Variants in NCKAP1L observed in about 807,000 individuals in gnomAD.
The protein encoded by NCKAP1L is nck-associated protein 1-like.
In NCKAP1L, 53 loss-of-function variants were observed where a neutral mutation model predicts 139.2. The observed-to-expected ratio is 0.38, with a 90% CI of 0.31 to 0.48. The LOEUF is 0.48. NCKAP1L is among the 20% of genes least tolerant of loss of function. The probability of loss-of-function intolerance (pLI) is 0.98; values close to 1 mark genes in which losing one functional copy is unlikely to be tolerated. For synonymous variants in NCKAP1L, 468 were observed against 499.7 expected, an observed-to-expected ratio of 0.94 and a Z score of 0.85; for missense variants, 1,151 against 1,381.9, an observed-to-expected ratio of 0.83 and a Z score of 2.65.
rs549149590 is a variant in NCKAP1L, at chr12:54,511,829, A to C, written c.762A>C (p.Glu254Asp). ...TGGCCTGTGAGTATCTGTCTGTGGAAGTAATGGAGCGCTGGATTATCAGTA... is the reference window on the plus strand; with the variant it reads ...TGGCCTGTGAGTATCTGTCTGTGGACGTAATGGAGCGCTGGATTATCAGTA... ...DTMACEYLSV[E>D]VMERWIIIGF... The change falls in exon 8 of 31, where the codon GAA becomes GAC. Residue 254 changes from glutamate to aspartate, a missense_variant. By Grantham distance (45) the Glu-to-Asp change is conservative. Coordinates refer to ENST00000293373, the MANE Select transcript of NCKAP1L (RefSeq NM_005337.5). 6.2e-7 allele frequency: 1 copy of C among 1,614,230 alleles called. No individual in the cohort carries two copies. Among genetic ancestry groups the C allele is most frequent in the South Asian group, 1.1e-5 (1 of 91,086 alleles).
At chr12:54,503,254 A>T (rs1956815091) in intron 3 of NCKAP1L, among the ~76,000 whole-genome samples, 1 of 152,112 alleles carries the variant, frequency 6.6e-6, no homozygotes, top group Non-Finnish European at 1.5e-5. Flanking sequence ...TACTACATGG[A>T]TGATATTTTA....
At chr12:54,539,896 G>C (rs1257470821) in intron 30 of NCKAP1L, among the ~76,000 whole-genome samples, 2 of 152,178 alleles carry the variant, frequency 1.3e-5, no homozygotes, top group African/African-American at 4.8e-5. Flanking sequence ...CGTCCTACTG[G>C]TGGATATACC....
chr12:54,499,231 C>T (rs1451538003), intron 1 of NCKAP1L, 124 bp from the exon 2 acceptor site: 4 of 627,458 alleles, frequency 6.4e-6, no homozygotes, highest in Middle Eastern at 2.8e-4. Flanking sequence ...GCCTCTCATG[C>T]TTTTTAAATT....
At chr12:54,539,924 G>C (rs891733299) in intron 30 of NCKAP1L, among the ~76,000 whole-genome samples, 1 of 152,296 alleles carries the variant, frequency 6.6e-6, no homozygotes, top group Admixed American at 6.5e-5. Context: ...CCCAAGGGAC[G>C]TGTGGCTGGA....
chr12:54,544,588 A>G lies in NCKAP1L; in HGVS notation c.*1903A>G, dbSNP rs1957185000. The G allele has an allele frequency of 6.6e-6, 1 of 152,218 alleles. No individual in the cohort carries two copies. Among genetic ancestry groups the G allele is most frequent in the South Asian group, 2.1e-4 (1 of 4,828 alleles). The allele number at this position is 152,218 out of a possible 1,614,324, so 9.4% of individuals were successfully genotyped here. ...TTGATATAATCTACTGATCTTGTTCAGATTTCCTTCCCCAGTTTTGCTTAT... is the reference window on the plus strand; with the variant it reads ...TTGATATAATCTACTGATCTTGTTCGGATTTCCTTCCCCAGTTTTGCTTAT... On this transcript the variant is annotated 3_prime_UTR_variant, in exon 31 of 31. Coordinates refer to ENST00000293373, the MANE Select transcript of NCKAP1L (RefSeq NM_005337.5).
chr12:54,511,687 G>C, intron 7 of NCKAP1L, 116 bp from the exon 8 acceptor site: 1 of 1,125,002 alleles, frequency 8.9e-7, no homozygotes, highest in Admixed American at 2.2e-5. Context: ...GATTAAAGGC[G>C]TTAGCCACCA....
In NCKAP1L at chr12:54,523,377, T is replaced by C. The variant is rs375722064; in HGVS notation, c.1879-17T>C. 51 of 1,603,862 alleles carry C rather than the reference T, an allele frequency of 3.2e-5. No individual in the cohort carries two copies. Among genetic ancestry groups the C allele is most frequent in the African/African-American group, 5.4e-5 (4 of 74,052 alleles). On this transcript the variant is annotated splice_polypyrimidine_tract_variant and intron_variant, in intron 18 of 30. Transcript: ENST00000293373. ...AACAAATCCCCTTTCTCCATTTACC[T>C]GTGTTTGTTTCTGAAGCTTCTACCT...
intron 25 of NCKAP1L, 152 bp from the exon 26 acceptor site, chr12:54,532,018 A>C: frequency 1.3e-6 from 1 of 750,198 alleles, no homozygotes; most frequent in South Asian, 2.0e-5. Flanking sequence ...AGCTTAGGAA[A>C]CCTAGAGGCA....
Position 54,509,683 on chromosome 12 carries a change from C to T in NCKAP1L, c.521C>T (p.Ala174Val), listed in dbSNP as rs1489525209. 3.1e-6 allele frequency: 5 copies of T among 1,613,772 alleles called. No homozygotes were observed. The highest frequency in any genetic ancestry group is 1.7e-5 in the Admixed American group (1 of 60,004). ...MLHGHGDPSF[A>V]RLGQMVLEYD... is the part of the protein sequence containing the mutation. ...CTTTCTTCTAGTGACCCCAGTTTTG[C>T]CCGTCTGGGTCAGATGGTCTTGGAG... The change falls in exon 6 of 31, where the codon GCC becomes GTC. Residue 174 changes from alanine (A) to valine (V), a missense_variant. Ala to Val is a moderately conservative substitution (Grantham distance 64, BLOSUM62 0). Coordinates refer to ENST00000293373, the MANE Select transcript of NCKAP1L (RefSeq NM_005337.5).
Position 54,535,089 on chromosome 12 carries a change from T to TA in NCKAP1L, c.2863-15_2863-14insA, listed in dbSNP as rs1490897659. Reference sequence around the variant, plus strand: ...CCTGCGAATCCTCTCTAGAATGTTATTTTCTTCTCTCCAGGTGACCTTGAG... The same window carrying TA: ...CCTGCGAATCCTCTCTAGAATGTTATATTTCTTCTCTCCAGGTGACCTTGAG... On this transcript the variant is annotated splice_polypyrimidine_tract_variant and intron_variant, in intron 26 of 30. Transcript: ENST00000293373. 1 of 1,610,206 alleles carries TA rather than the reference T, an allele frequency of 6.2e-7. No homozygotes were observed. Among genetic ancestry groups the TA allele is most frequent in the Admixed American group, 1.7e-5 (1 of 59,790 alleles).
intron 13 of NCKAP1L, 74 bp from the exon 14 acceptor site, chr12:54,518,577 C>T: frequency 8.9e-7 from 1 of 1,121,142 alleles, no homozygotes; most frequent in East Asian, 2.3e-5. Context: ...CATACGCTGA[C>T]TGAGCCTCAT....
At chr12:54,518,079 G>T in intron 13 of NCKAP1L, 141 bp downstream of exon 13, 3 of 937,184 alleles carry the variant, frequency 3.2e-6, no homozygotes, top group Non-Finnish European at 4.8e-6. Flanking sequence ...GGTGGCTCAC[G>T]TCTGTAATCC....
At position 54,542,778 on chromosome 12, in the gene NCKAP1L, G is replaced by C; in HGVS notation, c.*93G>C. On this transcript the variant is annotated 3_prime_UTR_variant, in exon 31 of 31. Coordinates refer to ENST00000293373, the MANE Select transcript of NCKAP1L (RefSeq NM_005337.5). ...GTCACTTTCGCAGGGGGTGGGAATG[G>C]GGTGGGGTCACTAAGGAGAGAGGGT... The C allele has an allele frequency of 1.4e-6, 1 of 707,392 alleles. No individual in the cohort carries two copies. The highest frequency in any genetic ancestry group is 2.5e-6 in the Non-Finnish European group (1 of 402,064). The allele number at this position is 707,392 out of a possible 1,614,324, so 43.8% of individuals were successfully genotyped here. A position where few individuals can be genotyped will look rare whatever the true frequency, so the allele number is the denominator to read the frequency against.
At chr12:54,505,307 A>G (rs111449675) in intron 3 of NCKAP1L, among the ~76,000 whole-genome samples, 128 of 152,336 alleles carry the variant, frequency 8.4e-4, no homozygotes, top group African/African-American at 2.9e-3. Flanking sequence ...CTGTTAATTT[A>G]GACACAGCCT....
chr12:54,508,998 G>C (rs1289619276), intron 5 of NCKAP1L, among the ~76,000 whole-genome samples: 1 of 152,108 alleles, frequency 6.6e-6, no homozygotes, highest in Non-Finnish European at 1.5e-5. Context: ...TTTAATCCTG[G>C]ACTGGCTTCT....
At chr12:54,505,324 G>T (rs1433952819) in intron 3 of NCKAP1L, among the ~76,000 whole-genome samples, 1 of 151,924 alleles carries the variant, frequency 6.6e-6, no homozygotes, top group East Asian at 1.9e-4. Context: ...GCCTTTTTTT[G>T]GAAGATAAGT....
intron 30 of NCKAP1L, 64 bp downstream of exon 30, chr12:54,539,037 T>A: frequency 2.1e-6 from 3 of 1,410,342 alleles, no homozygotes; most frequent in Non-Finnish European, 3.0e-6. Context: ...AGACTTCTGT[T>A]TAGGGTCTTT....
intron 18 of NCKAP1L, among the ~76,000 whole-genome samples, chr12:54,522,516 C>A (rs1956992125): frequency 6.6e-6 from 1 of 152,222 alleles, no homozygotes; most frequent in African/African-American, 2.4e-5. Context: ...AGTGGAATTA[C>A]ATATTTTGGA....
chr12:54,526,900 A>G (rs1957031630), intron 21 of NCKAP1L, among the ~76,000 whole-genome samples, 154 bp downstream of exon 21: 1 of 152,216 alleles, frequency 6.6e-6, no homozygotes, highest in Non-Finnish European at 1.5e-5. Context: ...CAATAACCTG[A>G]GACAAGCCCA....
Sources: gnomAD v4.1 joint callset for allele counts (sites outside exome capture counted in the v4.1 genomes callset) on GRCh38, gnomAD v4.1.1 for gene constraint, MANE v1.5 for transcripts, NCBI Gene and HGNC (gene_info 2026-07-23, HGNC 2026-07-21) for gene names.